The following MSH3 variants were observed in gnomAD, a reference collection of about 807,000 sequenced individuals.
The protein encoded by MSH3 is mutS homolog 3.
A neutral mutation model predicts 123.3 loss-of-function variants in MSH3; 106 were observed. That is an observed-to-expected ratio of 0.86 (90% CI 0.73 to 1.01). MSH3 has a LOEUF of 1.01. MSH3 is among the 50% of genes least tolerant of loss of function. The pLI, the probability that MSH3 is intolerant of heterozygous loss-of-function variation, is 0.00. For missense variants in MSH3, 1,459 were observed against 1,347.6 expected (o/e 1.08, Z -1.29); for synonymous variants, 515 against 481.4 (o/e 1.07, Z -0.91).
chr5:80,743,156 C>G lies in MSH3; in HGVS notation c.1654-1350C>G, dbSNP rs1580598530. 2.0e-5 allele frequency among the ~76,000 whole-genome samples: 3 copies of G among 152,170 alleles called. No homozygotes were observed. In the South Asian group the frequency reaches 6.2e-4, roughly 32 times the overall value. ...GGATATAATAGGACACGTATCTGTC[C>G]CTCCTCTCTTGTCTGAGCCTGCTTC... On this transcript the variant is annotated intron_variant, in intron 11 of 23. Coordinates refer to ENST00000265081, the MANE Select transcript of MSH3 (RefSeq NM_002439.5).
At chr5:80,770,024 C>T (rs1276764139) in intron 15 of MSH3, among the ~76,000 whole-genome samples, 1 of 152,076 alleles carries the variant, frequency 6.6e-6, no homozygotes, top group Non-Finnish European at 1.5e-5. Context: ...TTCACAATGC[C>T]ACATAGAGCT....
At chr5:80,675,231 C>T (rs992109956) in intron 7 of MSH3, 103 bp downstream of exon 7, 1 of 1,259,440 alleles carries the variant, frequency 7.9e-7, no homozygotes, top group Non-Finnish European at 1.1e-6. Context: ...TGAAGTGTAC[C>T]TTCAGATAAT....
At chr5:80,674,932 T>A in intron 6 of MSH3, 51 bp from the exon 7 acceptor site, 1 of 1,362,228 alleles carries the variant, frequency 7.3e-7, no homozygotes, top group Non-Finnish European at 1.0e-6. Context: ...AAATTTAGCA[T>A]ATTAGGATTT....
chr5:80,861,337 T>C (rs144462562), intron 21 of MSH3, among the ~76,000 whole-genome samples: 1 of 152,262 alleles, frequency 6.6e-6, no homozygotes, highest in Non-Finnish European at 1.5e-5. Flanking sequence ...AGTCTCAGTC[T>C]TACCTCCCTC....
intron 19 of MSH3, among the ~76,000 whole-genome samples, chr5:80,808,288 A>G (rs1174226557): frequency 6.6e-6 from 1 of 152,106 alleles, no homozygotes; most frequent in Non-Finnish European, 1.5e-5. Context: ...TCTGCCAATG[A>G]CAGTTTTGTT....
chr5:80,845,019 G>C (rs945504897), intron 20 of MSH3, among the ~76,000 whole-genome samples: 2 of 152,192 alleles, frequency 1.3e-5, no homozygotes, highest in Non-Finnish European at 2.9e-5. Context: ...AATTTGGCAT[G>C]TTTTTGCAGT....
At chr5:80,853,690 T>C (rs1027030063) in intron 20 of MSH3, among the ~76,000 whole-genome samples, 1 of 152,216 alleles carries the variant, frequency 6.6e-6, no homozygotes, top group African/African-American at 2.4e-5. Flanking sequence ...ACTTTATATG[T>C]AGTACTTTAA....
intron 9 of MSH3, among the ~76,000 whole-genome samples, chr5:80,727,847 A>G (rs943863247): frequency 1.3e-5 from 2 of 152,112 alleles, no homozygotes; most frequent in African/African-American, 2.4e-5. Context: ...TTTAAATAGG[A>G]TGGTAAAGGA....
intron 19 of MSH3, among the ~76,000 whole-genome samples, chr5:80,803,670 T>A (rs573556627): frequency 2.1e-4 from 32 of 152,122 alleles, no homozygotes; most frequent in African/African-American, 7.2e-4. Context: ...GTTCTGAAGA[T>A]TTTCCCCAAT....
Position 80,668,191 on chromosome 5 carries a change from C to T in MSH3, c.580-1906C>T, listed in dbSNP as rs532152339. ...GTCTGCTTGTCTCTTCAAGTTTGGC[C>T]GAGTCTGGGGATTTGTATGGGCTTG... On this transcript the variant is annotated intron_variant, in intron 3 of 23. Transcript: ENST00000265081. Among the ~76,000 whole-genome samples, 6 of 152,208 alleles carry T rather than the reference C, an allele frequency of 3.9e-5. No homozygotes were observed. In the East Asian group the frequency reaches 9.7e-4, roughly 25 times the overall value.
intron 21 of MSH3, among the ~76,000 whole-genome samples, chr5:80,857,453 T>C (rs887720856): frequency 5.9e-5 from 9 of 152,206 alleles, no homozygotes; most frequent in African/African-American, 2.2e-4. Context: ...AAAAAGACTA[T>C]AGAGAATTGG....
At chr5:80,722,840 C>T (rs1173672791) in intron 8 of MSH3, among the ~76,000 whole-genome samples, 1 of 152,188 alleles carries the variant, frequency 6.6e-6, no homozygotes, top group East Asian at 1.9e-4. Flanking sequence ...CGCAATGGCT[C>T]ACGCCCATAA....
At chr5:80,756,797 T>C (rs1172968193) in intron 12 of MSH3, among the ~76,000 whole-genome samples, 1 of 152,232 alleles carries the variant, frequency 6.6e-6, no homozygotes, top group African/African-American at 2.4e-5. Flanking sequence ...AAGCACTCAG[T>C]AATTGTTCAT....
intron 21 of MSH3, among the ~76,000 whole-genome samples, chr5:80,858,731 GTGT>G (rs1193515859): frequency 6.6e-6 from 1 of 152,054 alleles, no homozygotes; most frequent in Admixed American, 6.6e-5. Flanking sequence ...TTGATTGATG[GTGT>G]TGTTGAGTTC....
rs2112801912 is a variant in MSH3, at chr5:80,656,532, G to A, written c.358+1G>A. 6.2e-7 allele frequency: 1 copy of A among 1,614,130 alleles called. No homozygotes were observed. The highest frequency in any genetic ancestry group is 8.5e-7 in the Non-Finnish European group (1 of 1,179,982). ...GATCTGGGAATGTCTGGCAACTCTGGTGAGTTGTGGGGGATTCTTTTTTCT... is the reference window on the plus strand; with the variant it reads ...GATCTGGGAATGTCTGGCAACTCTGATGAGTTGTGGGGGATTCTTTTTTCT... On this transcript the variant is annotated splice_donor_variant, in intron 2 of 23. Coordinates refer to ENST00000265081, the MANE Select transcript of MSH3 (RefSeq NM_002439.5). LOFTEE classifies it high-confidence loss of function.
At chr5:80,847,356 A>ATT (rs1451192489) in intron 20 of MSH3, among the ~76,000 whole-genome samples, 12 of 135,652 alleles carry the variant, frequency 8.8e-5, no homozygotes, top group African/African-American at 3.6e-4. Flanking sequence ...ACCTGGCTGA[A>ATT]TATTTTTTTT....
At chr5:80,866,775 T>C (rs1039831970) in intron 22 of MSH3, among the ~76,000 whole-genome samples, 1 of 152,244 alleles carries the variant, frequency 6.6e-6, no homozygotes, top group Admixed American at 6.5e-5. Context: ...TAAATATTGC[T>C]TACTGATGAG....
At chr5:80,703,617 C>G (rs995068843) in intron 8 of MSH3, among the ~76,000 whole-genome samples, 7 of 152,000 alleles carry the variant, frequency 4.6e-5, no homozygotes, top group African/African-American at 1.7e-4. Context: ...CCTGTGTATG[C>G]TGAAGTCTGC....
chr5:80,768,245 T>C, intron 14 of MSH3, 125 bp downstream of exon 14: 1 of 922,660 alleles, frequency 1.1e-6, no homozygotes, highest in Admixed American at 2.0e-5. Context: ...ACATATATAA[T>C]TAGAAATGTG....
Sources: allele counts gnomAD v4.1 joint callset (sites outside exome capture counted in the v4.1 genomes callset), GRCh38; gene constraint gnomAD v4.1.1; transcripts MANE v1.5; gene names NCBI Gene and HGNC (gene_info 2026-07-23, HGNC 2026-07-21).